Variants in GARIN1A observed in about 807,000 individuals in gnomAD.
The protein encoded by GARIN1A is golgi associated RAB2 interactor 1A.
At chr7:128,675,882 G>A in the GARIN1A span, 1 of 1,302,148 alleles carries the variant, frequency 7.7e-7, no homozygotes, top group Non-Finnish European at 1.1e-6. Context: ...GGGAGGGCGG[G>A]AAGGGATGGA....
the GARIN1A span, chr7:128,675,816 A>T: frequency 1.2e-6 from 2 of 1,613,190 alleles, no homozygotes; most frequent in Non-Finnish European, 8.5e-7. Flanking sequence ...TCCATTTACC[A>T]CCTGGAGCAC....
At chr7:128,679,049 C>T in the GARIN1A span, among the ~76,000 whole-genome samples, 1 of 150,200 alleles carries the variant, frequency 6.7e-6, no homozygotes, top group South Asian at 2.1e-4. Flanking sequence ...ACAATCGTTA[C>T]ATTGTTATGT....
the GARIN1A span, among the ~76,000 whole-genome samples, chr7:128,691,909 C>G: frequency 6.6e-6 from 1 of 152,224 alleles, no homozygotes; most frequent in Non-Finnish European, 1.5e-5. Flanking sequence ...TTGATGCCCC[C>G]TTCCTGAATT....
At chr7:128,678,393 C>T in the GARIN1A span, among the ~76,000 whole-genome samples, 1 of 152,238 alleles carries the variant, frequency 6.6e-6, no homozygotes, top group Non-Finnish European at 1.5e-5. Context: ...TGATTATATT[C>T]TCAGTTAGGT....
chr7:128,692,325 A>C, the GARIN1A span, among the ~76,000 whole-genome samples: 1 of 152,212 alleles, frequency 6.6e-6, no homozygotes. Context: ...TGCCATAGCC[A>C]GCTGTGGCTG....
At chr7:128,703,960 G>T in the GARIN1A span, among the ~76,000 whole-genome samples, 51,901 of 151,852 alleles carry the variant, frequency 0.34, 9,227 homozygotes, top group South Asian at 0.45. Context: ...ATGCCACAAA[G>T]AGTGAGTTTC....
the GARIN1A span, among the ~76,000 whole-genome samples, chr7:128,681,324 A>G: frequency 6.6e-6 from 1 of 151,032 alleles, no homozygotes; most frequent in Non-Finnish European, 1.5e-5. Flanking sequence ...CTGGGTTGTC[A>G]CTCTTCTCTT....
chr7:128,681,336 C>G, the GARIN1A span, among the ~76,000 whole-genome samples: 1 of 152,172 alleles, frequency 6.6e-6, no homozygotes, highest in Non-Finnish European at 1.5e-5. Context: ...TCTTCTCTTT[C>G]TGTTTCCTAA....
the GARIN1A span, among the ~76,000 whole-genome samples, chr7:128,700,284 GT>G: frequency 0.014 from 1,911 of 134,588 alleles, 18 homozygotes; most frequent in Middle Eastern, 0.032. Flanking sequence ...TTTGTATTTT[GT>G]TTTTTTTTTT....
the GARIN1A span, among the ~76,000 whole-genome samples, chr7:128,692,194 C>G: frequency 1.3e-5 from 2 of 152,136 alleles, no homozygotes. Context: ...TGGTTCTGTG[C>G]CCAGAAACAT....
At chr7:128,688,758 CCCCCCTCCCCCTCCCCT>C in the GARIN1A span, among the ~76,000 whole-genome samples, 3 of 35,856 alleles carry the variant, frequency 8.4e-5, no homozygotes, top group East Asian at 1.5e-3. Context: ...TAATAACGGT[CCCCCCTCCCCCTCCCCT>C]CCCCCTCCCC....
chr7:128,682,319 G>C, the GARIN1A span, among the ~76,000 whole-genome samples: 3 of 152,070 alleles, frequency 2.0e-5, no homozygotes, highest in Admixed American at 6.5e-5. Flanking sequence ...TTTAGTCCCC[G>C]GGATTTTGTC....
chr7:128,672,219 C>T, the GARIN1A span: 3 of 544,948 alleles, frequency 5.5e-6, no homozygotes, highest in South Asian at 2.7e-5. Flanking sequence ...CATCACATTC[C>T]TTGATGTCAT....
At chr7:128,682,062 G>A in the GARIN1A span, among the ~76,000 whole-genome samples, 1 of 152,000 alleles carries the variant, frequency 6.6e-6, no homozygotes, top group East Asian at 1.9e-4. Context: ...CTCATATTTT[G>A]ACCAGCCATT....
the GARIN1A span, chr7:128,684,024 C>A: frequency 1.3e-5 from 2 of 150,396 alleles, no homozygotes; most frequent in Admixed American, 1.3e-4. Flanking sequence ...ATGATCCAAT[C>A]ACCTCCCACC....
chr7:128,672,191 TCCC>T, the GARIN1A span: 1 of 491,914 alleles, frequency 2.0e-6, no homozygotes. Flanking sequence ...CTTTTTTTTT[TCCC>T]TTTTCTGTTG....
the GARIN1A span, chr7:128,675,915 G>A: frequency 4.7e-6 from 6 of 1,269,168 alleles, no homozygotes; most frequent in South Asian, 7.4e-5. Flanking sequence ...GATATGCATT[G>A]CTTTGTAGCT....
the GARIN1A span, chr7:128,675,707 T>TGAAG: frequency 6.2e-7 from 1 of 1,613,754 alleles, no homozygotes; most frequent in African/African-American, 1.3e-5. Context: ...GAGATGTCTG[T>TGAAG]GAAGGGTCTG....
chr7:128,701,432 GAGGGGA>G, the GARIN1A span, among the ~76,000 whole-genome samples: 1 of 1,412 alleles, frequency 7.1e-4, no homozygotes, highest in Non-Finnish European at 1.6e-3. Flanking sequence ...AGGGGAAGGG[GAGGGGA>G]GGGGAGGGGA....
Sources: gnomAD v4.1 joint callset for allele counts (sites outside exome capture counted in the v4.1 genomes callset) on GRCh38, gnomAD v4.1.1 for gene constraint, MANE v1.5 for transcripts, NCBI Gene and HGNC (gene_info 2026-07-23, HGNC 2026-07-21) for gene names.